TUSC3: variants seen among roughly 807,000 people sequenced by gnomAD.
TUSC3 encodes the protein tumor suppressor candidate 3, also known as dolichyl-diphosphooligosaccharide--protein glycosyltransferase subunit TUSC3.
Under a neutral mutation model 44.8 loss-of-function variants are expected in TUSC3, and 45 were observed. The ratio of observed to expected loss-of-function variants is 1.00; its 90% CI spans 0.79 to 1.29. The LOEUF (loss-of-function observed/expected upper bound fraction) is 1.29. Ranked by LOEUF, TUSC3 falls within the 50% of genes most tolerant of loss-of-function variation. TUSC3 has a pLI of 0.00. For missense variants in TUSC3, 519 were observed against 437.9 expected (o/e 1.19, Z -1.65); for synonymous variants, 212 against 152.9 (o/e 1.39, Z -2.85).
chr8:15,514,762 A>T (rs994725062), intron 2 of TUSC3, among the ~76,000 whole-genome samples: 1 of 152,220 alleles, frequency 6.6e-6, no homozygotes, highest in East Asian at 1.9e-4. Flanking sequence ...GATGGTGCTC[A>T]TGAGCCCTTT....
At chr8:15,495,867 T>A (rs1292903312) in intron 2 of TUSC3, among the ~76,000 whole-genome samples, 1 of 152,196 alleles carries the variant, frequency 6.6e-6, no homozygotes, top group Non-Finnish European at 1.5e-5. Flanking sequence ...AATGGAGTAG[T>A]ATCCTTGTTT....
intron 8 of TUSC3, among the ~76,000 whole-genome samples, chr8:15,747,566 C>T (rs375391346): frequency 2.0e-4 from 31 of 151,826 alleles, no homozygotes; most frequent in African/African-American, 7.0e-4. Context: ...TTTAAATATC[C>T]AAAATACTAT....
At chr8:15,726,352 T>C (rs1242950426) in intron 6 of TUSC3, among the ~76,000 whole-genome samples, 2 of 152,200 alleles carry the variant, frequency 1.3e-5, no homozygotes, top group Non-Finnish European at 1.5e-5. Context: ...CATTCATATA[T>C]ATTGTTTTTT....
chr8:15,554,118 G>A (rs371511883), intron 1 of TUSC3, among the ~76,000 whole-genome samples: 7 of 150,110 alleles, frequency 4.7e-5, no homozygotes, highest in African/African-American at 9.7e-5. Flanking sequence ...AGGGACAAAC[G>A]AGCTCCCTTG....
chr8:15,538,128 A>T (rs1445894116), upstream of TUSC3, among the ~76,000 whole-genome samples: 5 of 152,264 alleles, frequency 3.3e-5, no homozygotes, highest in Non-Finnish European at 5.9e-5. Context: ...ACAACTAGGG[A>T]CCTCCCATCA....
At chr8:15,433,466 C>T (rs1297440191) in intron 1 of TUSC3, among the ~76,000 whole-genome samples, 1 of 152,022 alleles carries the variant, frequency 6.6e-6, no homozygotes, top group Non-Finnish European at 1.5e-5. Context: ...ACCACTCAAC[C>T]AAACTATAGA....
intron 1 of TUSC3, among the ~76,000 whole-genome samples, chr8:15,602,744 GGTTGTATGGAACCTAATA>G (rs1466774356): frequency 6.7e-6 from 1 of 150,036 alleles, no homozygotes; most frequent in African/African-American, 2.4e-5. Context: ...ACAAAATATG[GGTTGTATGGAACCTAATA>G]TGTAGTATGA....
intron 6 of TUSC3, among the ~76,000 whole-genome samples, chr8:15,698,855 T>G (rs1375848239): frequency 6.6e-6 from 1 of 151,968 alleles, no homozygotes; most frequent in Non-Finnish European, 1.5e-5. Context: ...TTTTTCATTT[T>G]TTTTTTTTGA....
intron 1 of TUSC3, among the ~76,000 whole-genome samples, chr8:15,460,244 T>A (rs114556165): frequency 4.6e-5 from 7 of 152,162 alleles, no homozygotes; most frequent in Middle Eastern, 3.4e-3. Flanking sequence ...GTGGAGTAAG[T>A]TGGTATCGCA....
At chr8:15,614,288 C>T (rs142750696) in intron 1 of TUSC3, among the ~76,000 whole-genome samples, 271 of 151,810 alleles carry the variant, frequency 1.8e-3, no homozygotes, top group African/African-American at 5.7e-3. Flanking sequence ...TGCCCACTAG[C>T]CTTTATGTAG....
intron 6 of TUSC3, among the ~76,000 whole-genome samples, chr8:15,675,558 T>C (rs1808148980): frequency 3.3e-5 from 5 of 152,092 alleles, no homozygotes; most frequent in Admixed American, 3.3e-4. Context: ...GTCACCGAAG[T>C]ACTGAGTATA....
At chr8:15,519,954 T>G (rs532254665) in intron 2 of TUSC3, among the ~76,000 whole-genome samples, 2 of 152,320 alleles carry the variant, frequency 1.3e-5, no homozygotes, top group South Asian at 4.1e-4. Flanking sequence ...TGGAGGGACC[T>G]ATGGATAAAA....
At chr8:15,441,527 GA>G (rs1478746287) in intron 1 of TUSC3, among the ~76,000 whole-genome samples, 1 of 152,190 alleles carries the variant, frequency 6.6e-6, no homozygotes, top group East Asian at 1.9e-4. Context: ...ATAGATACTT[GA>G]ATGGAAAGAA....
At position 15,438,276 on chromosome 8, in the gene TUSC3, A is replaced by G. The variant is rs547477357; in HGVS notation, n.91+20971A>G. The stretch of plus-strand genomic sequence containing the variant: ...CGCCCAGCTAATTTTTGTACTTTTT[A>G]GTAGAGACAGGGTTTCTCCATGTTG... On this transcript the variant is annotated intron_variant and non_coding_transcript_variant, in intron 1 of 5. Coordinates refer to the TUSC3 transcript ENST00000503191. 1.4e-4 allele frequency among the ~76,000 whole-genome samples: 22 copies of G among 152,178 alleles called. 1 individual carries two copies. The highest frequency in any genetic ancestry group is 5.1e-4 in the African/African-American group (21 of 41,532).
chr8:15,464,684 A>C (rs1480639395), intron 1 of TUSC3, among the ~76,000 whole-genome samples: 1 of 152,184 alleles, frequency 6.6e-6, no homozygotes, highest in Admixed American at 6.5e-5. Flanking sequence ...TTTTAACCAA[A>C]ATGTATGATA....
chr8:15,756,213 G>A (rs147223523), intron 9 of TUSC3, among the ~76,000 whole-genome samples: 8 of 152,116 alleles, frequency 5.3e-5, no homozygotes, highest in African/African-American at 1.4e-4. Context: ...ACTAACTTTG[G>A]GGCTTAAAGT....
chr8:15,662,010 A>G (rs1807446396), intron 4 of TUSC3, 146 bp from the exon 5 acceptor site: 15 of 846,758 alleles, frequency 1.8e-5, no homozygotes, highest in Non-Finnish European at 2.5e-5. Context: ...CTTATGGCAG[A>G]ATGAAAGTAG....
chr8:15,589,124 A>G (rs182718850), intron 1 of TUSC3, among the ~76,000 whole-genome samples: 2,121 of 152,228 alleles, frequency 0.014, 34 homozygotes, highest in South Asian at 0.053. Context: ...ATACAAATAT[A>G]GCTACTCCTA....
chr8:15,541,324 A>G (rs1399323267), intron 1 of TUSC3, among the ~76,000 whole-genome samples: 2 of 152,230 alleles, frequency 1.3e-5, no homozygotes, highest in Admixed American at 6.5e-5. Context: ...CTAATTATCC[A>G]TCATGGATAG....
Sources: allele counts gnomAD v4.1 joint callset (sites outside exome capture counted in the v4.1 genomes callset), GRCh38; gene constraint gnomAD v4.1.1; transcripts MANE v1.5; gene names NCBI Gene and HGNC (gene_info 2026-07-23, HGNC 2026-07-21).